The following CNTNAP2 variants were observed in gnomAD, a reference collection of about 807,000 sequenced individuals.
The protein encoded by CNTNAP2 is contactin-associated protein-like 2.
A neutral mutation model predicts 155.2 loss-of-function variants in CNTNAP2; 98 were observed. The observed-to-expected ratio is 0.63, with a 90% CI of 0.54 to 0.75. The LOEUF (loss-of-function observed/expected upper bound fraction) is 0.75, where lower values mean the gene tolerates loss of function less well. CNTNAP2 is among the 30% of genes least tolerant of loss of function. The probability of loss-of-function intolerance (pLI) is 0.00; values close to 1 mark genes in which losing one functional copy is unlikely to be tolerated. For missense variants in CNTNAP2, 1,727 were observed against 1,688.1 expected (o/e 1.02, Z -0.40); for synonymous variants, 651 against 631.2 (o/e 1.03, Z -0.47).
intron 1 of CNTNAP2, among the ~76,000 whole-genome samples, chr7:146,661,447 T>G (rs906701053): frequency 6.6e-6 from 1 of 152,126 alleles, no homozygotes; most frequent in Non-Finnish European, 1.5e-5. Context: ...CCCCCAATCC[T>G]TAACCCCTGG....
intron 13 of CNTNAP2, among the ~76,000 whole-genome samples, chr7:147,840,998 C>T (rs1269687586): frequency 2.0e-5 from 3 of 152,252 alleles, no homozygotes; most frequent in East Asian, 1.9e-4. Context: ...TAGCCACTAC[C>T]TCCGGCTTCA....
chr7:147,977,571 C>G (rs1801451235), intron 14 of CNTNAP2, among the ~76,000 whole-genome samples: 1 of 152,122 alleles, frequency 6.6e-6, no homozygotes, highest in South Asian at 2.1e-4. Context: ...GTTTGACATG[C>G]TGTGGTGTAC....
In CNTNAP2 at chr7:147,273,936, A is replaced by G. The variant is rs140272199; in HGVS notation, c.1349-26205A>G. Among the ~76,000 whole-genome samples, 1,116 of 147,946 alleles carry G rather than the reference A, an allele frequency of 7.5e-3. 14 individuals carry two copies. Among genetic ancestry groups the G allele is most frequent in the African/African-American group, 0.026 (1,063 of 40,694 alleles). ...ATTTTATATATTTCATATATATGTA[A>G]TATCTATTTTATGTAATATATTACA... On this transcript the variant is annotated intron_variant, in intron 8 of 23. Transcript: ENST00000361727.
At chr7:146,746,853 A>G (rs749456776) in intron 1 of CNTNAP2, among the ~76,000 whole-genome samples, 3 of 152,088 alleles carry the variant, frequency 2.0e-5, no homozygotes, top group Admixed American at 6.5e-5. Flanking sequence ...TTATAGTTGG[A>G]TATTTGAATT....
intron 8 of CNTNAP2, among the ~76,000 whole-genome samples, chr7:147,189,178 T>G (rs1207359183): frequency 6.6e-6 from 1 of 152,216 alleles, no homozygotes; most frequent in African/African-American, 2.4e-5. Context: ...TAAATAACTT[T>G]TTTAAGAATT....
intron 1 of CNTNAP2, among the ~76,000 whole-genome samples, chr7:146,497,054 T>G (rs574432028): frequency 2.0e-4 from 31 of 152,262 alleles, no homozygotes; most frequent in Middle Eastern, 3.4e-3. Flanking sequence ...ATGACCCTGT[T>G]TTATTGTGTT....
intron 10 of CNTNAP2, among the ~76,000 whole-genome samples, chr7:147,468,669 T>C (rs1373866821): frequency 1.2e-4 from 18 of 152,154 alleles, no homozygotes; most frequent in Admixed American, 1.2e-3. Context: ...GGATAAATAA[T>C]CTAAAACTCA....
At chr7:148,136,853 C>T (rs879046487) in intron 16 of CNTNAP2, among the ~76,000 whole-genome samples, 8 of 152,106 alleles carry the variant, frequency 5.3e-5, no homozygotes, top group Admixed American at 2.0e-4. Context: ...AGGGTTCTCA[C>T]GTATTTTATA....
chr7:148,199,480 G>A (rs543313091), intron 18 of CNTNAP2, among the ~76,000 whole-genome samples: 1 of 152,318 alleles, frequency 6.6e-6, no homozygotes, highest in South Asian at 2.1e-4. Context: ...ACATCCTGTT[G>A]TTAAAATGAT....
intron 13 of CNTNAP2, among the ~76,000 whole-genome samples, chr7:147,675,711 C>A (rs1212915440): frequency 1.3e-5 from 2 of 151,980 alleles, no homozygotes; most frequent in Non-Finnish European, 2.9e-5. Flanking sequence ...TTAGCACCAT[C>A]AAGTTGACAC....
At chr7:148,126,674 G>A (rs1735971965) in intron 16 of CNTNAP2, among the ~76,000 whole-genome samples, 2 of 151,694 alleles carry the variant, frequency 1.3e-5, no homozygotes, top group South Asian at 4.1e-4. Flanking sequence ...GTGAAGACAA[G>A]AGGTGAAATG....
intron 15 of CNTNAP2, among the ~76,000 whole-genome samples, chr7:147,983,410 C>T (rs1801566282): frequency 6.6e-6 from 1 of 151,728 alleles, no homozygotes; most frequent in Admixed American, 6.6e-5. Context: ...CTCTCAACAT[C>T]CCTTAATAGG....
chr7:146,947,581 ATATATATATATATATATG>A (rs1797215482), intron 3 of CNTNAP2, among the ~76,000 whole-genome samples: 1 of 74,102 alleles, frequency 1.3e-5, no homozygotes, highest in Non-Finnish European at 3.7e-5. Context: ...ATATACATAT[ATATATATATATATATATG>A]TATATATCTT....
chr7:148,298,985 C>CTT (rs58095199), intron 21 of CNTNAP2, among the ~76,000 whole-genome samples: 3 of 145,692 alleles, frequency 2.1e-5, no homozygotes, highest in Admixed American at 6.9e-5. Flanking sequence ...ACCTGGCCAA[C>CTT]TTTTTTTTTT....
At chr7:146,305,942 A>G (rs976031215) in intron 1 of CNTNAP2, among the ~76,000 whole-genome samples, 6 of 152,174 alleles carry the variant, frequency 3.9e-5, no homozygotes, top group Non-Finnish European at 7.4e-5. Flanking sequence ...CCTTCAAAAA[A>G]TCAATGAATC....
chr7:146,958,230 T>C (rs1797476366), intron 3 of CNTNAP2, among the ~76,000 whole-genome samples: 2 of 152,038 alleles, frequency 1.3e-5, no homozygotes, highest in Non-Finnish European at 2.9e-5. Context: ...TATTTGATCT[T>C]CCTTGAGAAA....
At chr7:147,700,894 C>A (rs1178751481) in intron 13 of CNTNAP2, among the ~76,000 whole-genome samples, 1 of 152,194 alleles carries the variant, frequency 6.6e-6, no homozygotes, top group Non-Finnish European at 1.5e-5. Flanking sequence ...TGGAACAGCC[C>A]TGCCAAGGGA....
chr7:147,015,319 G>C (rs1376510760), intron 3 of CNTNAP2, among the ~76,000 whole-genome samples: 1 of 152,000 alleles, frequency 6.6e-6, no homozygotes, highest in African/African-American at 2.4e-5. Context: ...ATAATATAAA[G>C]TTCTTAGCAC....
intron 3 of CNTNAP2, among the ~76,000 whole-genome samples, chr7:146,871,691 G>T (rs1034528566): frequency 6.6e-6 from 1 of 151,630 alleles, no homozygotes; most frequent in African/African-American, 2.4e-5. Flanking sequence ...TATAATATTT[G>T]CAATAAAATA....
Sources: allele counts gnomAD v4.1 joint callset (sites outside exome capture counted in the v4.1 genomes callset), GRCh38; gene constraint gnomAD v4.1.1; transcripts MANE v1.5; gene names NCBI Gene and HGNC (gene_info 2026-07-23, HGNC 2026-07-21).